The following DESI2 variants were observed in gnomAD, a reference collection of about 807,000 sequenced individuals.
DESI2 encodes the protein desumoylating isopeptidase 2.
DESI2 carries 10 observed loss-of-function variants against 24.1 expected under a neutral mutation model. The ratio of observed to expected loss-of-function variants is 0.41; its 90% CI spans 0.26 to 0.70. The LOEUF (loss-of-function observed/expected upper bound fraction) is 0.70, where lower values mean the gene tolerates loss of function less well. DESI2 is among the 30% of genes least tolerant of loss of function. The probability of loss-of-function intolerance (pLI) is 0.29; values close to 1 mark genes in which losing one functional copy is unlikely to be tolerated. For synonymous variants in DESI2, 71 were observed against 87.7 expected (o/e 0.81, Z 1.06); for missense variants, 122 against 234.9 (o/e 0.52, Z 3.14).
chr1:244,659,879 C>T (rs990016727), intron 1 of DESI2, among the ~76,000 whole-genome samples: 6 of 152,164 alleles, frequency 3.9e-5, no homozygotes, highest in Admixed American at 1.3e-4. Context: ...AGCAGTCACT[C>T]GACTTGGCAT....
chr1:244,680,152 A>C (rs1042812837), intron 1 of DESI2, among the ~76,000 whole-genome samples: 6 of 151,844 alleles, frequency 4.0e-5, no homozygotes, highest in African/African-American at 1.5e-4. Context: ...TTTTTTAAAA[A>C]CCAAGCCATC....
At chr1:244,676,446 T>G (rs1174251984) in intron 1 of DESI2, among the ~76,000 whole-genome samples, 2 of 152,208 alleles carry the variant, frequency 1.3e-5, no homozygotes, top group Admixed American at 1.3e-4. Context: ...TTTTAGTAAT[T>G]TTTTAGTGGA....
chr1:244,698,770 T>C (rs182862152), intron 4 of DESI2, among the ~76,000 whole-genome samples: 40 of 152,258 alleles, frequency 2.6e-4, no homozygotes, highest in Admixed American at 2.1e-3. Context: ...CTATAAAAAA[T>C]GGATGTTGAT....
In DESI2 at chr1:244,706,147, TAGGC is replaced by T. The variant is rs770613896; in HGVS notation, c.*362_*365del. ...AGAAAATCTTCATGTCTTCAAAAATTAGGCAGGTAATCTTTGTATACTTCTGACA... is the reference window on the plus strand; with the variant it reads ...AGAAAATCTTCATGTCTTCAAAAATTAGGTAATCTTTGTATACTTCTGACA... On this transcript the variant is annotated 3_prime_UTR_variant, in exon 5 of 5. Transcript: ENST00000302550. 6 of 209,448 alleles carry T rather than the reference TAGGC, an allele frequency of 2.9e-5. No individual in the cohort carries two copies. The highest frequency in any genetic ancestry group is 1.6e-4 in the South Asian group (2 of 12,534). 13.0% of individuals were successfully genotyped at this position (209,448 alleles called of 1,614,324 possible).
At chr1:244,653,612 T>G in intron 1 of DESI2, 2 of 530,998 alleles carry the variant, frequency 3.8e-6, no homozygotes, top group South Asian at 4.9e-5. Flanking sequence ...CCGCTCAGCT[T>G]GGACCCGACC....
chr1:244,655,006 A>G (rs545955079), intron 1 of DESI2, among the ~76,000 whole-genome samples: 91 of 152,328 alleles, frequency 6.0e-4, no homozygotes, highest in Admixed American at 1.1e-3. Context: ...TACCTTTTAT[A>G]TGAAAACGAA....
At position 244,676,424 on chromosome 1, in the gene DESI2, C is replaced by T. The variant is rs555313646; in HGVS notation, c.43-10173C>T. On this transcript the variant is annotated intron_variant, in intron 1 of 4. Coordinates refer to ENST00000302550, the MANE Select transcript of DESI2 (RefSeq NM_016076.5). ...ATCTTGTACCCTGCAATGTTTTTAACTTATCTATTAGTTTTAGTAATTTTT... is the reference window on the plus strand; with the variant it reads ...ATCTTGTACCCTGCAATGTTTTTAATTTATCTATTAGTTTTAGTAATTTTT... 2.3e-3 allele frequency among the ~76,000 whole-genome samples: 349 copies of T among 152,210 alleles called. 4 individuals are homozygous for T. Among genetic ancestry groups the T allele is most frequent in the South Asian group, 0.013 (61 of 4,822 alleles).
chr1:244,704,825 A>AT (rs1677630239), intron 4 of DESI2, among the ~76,000 whole-genome samples: 1 of 152,126 alleles, frequency 6.6e-6, no homozygotes, highest in East Asian at 1.9e-4. Context: ...TGCCCGGCTA[A>AT]TTTTTTGTAT....
rs1377739004 is a variant in DESI2, at chr1:244,689,498, A to G, written c.209+156A>G. ...ATTTTATATAACTCAAGTTTGCCTC[A>G]GGAAACTCATTTCTTTTCCTTTTTT... On this transcript the variant is annotated intron_variant, in intron 3 of 4. Transcript: ENST00000302550. This position sits in a 1 kb window ranked among gnomAD's most constrained non-coding sequence, Gnocchi z 4.0. 6.7e-6 allele frequency among the ~76,000 whole-genome samples: 1 copy of G among 149,650 alleles called. No homozygotes were observed. Among genetic ancestry groups the G allele is most frequent in the African/African-American group, 2.5e-5 (1 of 40,350 alleles).
intron 4 of DESI2, among the ~76,000 whole-genome samples, chr1:244,699,363 C>T (rs1156421868): frequency 6.6e-6 from 1 of 151,960 alleles, no homozygotes; most frequent in Non-Finnish European, 1.5e-5. Flanking sequence ...GCAGGCAGAT[C>T]ACGAGGTCAA....
chr1:244,681,324 C>T (rs1205341465), intron 1 of DESI2, among the ~76,000 whole-genome samples: 1 of 152,128 alleles, frequency 6.6e-6, no homozygotes, highest in African/African-American at 2.4e-5. Flanking sequence ...GGGCTTCTTC[C>T]ATTCCATTTC....
At chr1:244,658,788 T>A (rs1675736908) in intron 1 of DESI2, among the ~76,000 whole-genome samples, 1 of 152,170 alleles carries the variant, frequency 6.6e-6, no homozygotes, top group African/African-American at 2.4e-5. Flanking sequence ...ATTGTTGGAC[T>A]AGGGTGTCCA....
intron 1 of DESI2, among the ~76,000 whole-genome samples, chr1:244,671,858 G>A (rs894196810): frequency 6.6e-6 from 1 of 152,216 alleles, no homozygotes; most frequent in Admixed American, 6.5e-5. Flanking sequence ...TCCTACAAAA[G>A]CATGAATTTC....
chr1:244,703,640 C>T (rs1244044605), intron 4 of DESI2, among the ~76,000 whole-genome samples: 1 of 149,732 alleles, frequency 6.7e-6, no homozygotes, highest in Non-Finnish European at 1.5e-5. Context: ...CATGAGCCAC[C>T]ATGCCTGGCC....
chr1:244,675,704 A>G lies in DESI2; in HGVS notation c.43-10893A>G, dbSNP rs141644252. ...TAGCTCTGTGCTAAATGTTGAAATC[A>G]GGAAGTCTGAGTCCTATAACTTTTT... On this transcript the variant is annotated intron_variant, in intron 1 of 4. Coordinates refer to ENST00000302550, the MANE Select transcript of DESI2 (RefSeq NM_016076.5). Among the ~76,000 whole-genome samples the G allele has an allele frequency of 7.2e-3, 1,104 of 152,330 alleles. 10 individuals carry two copies. Among genetic ancestry groups the G allele is most frequent in the Non-Finnish European group, 0.012 (847 of 68,018 alleles).
intron 1 of DESI2, among the ~76,000 whole-genome samples, chr1:244,670,321 T>C (rs539977098): frequency 1.3e-5 from 2 of 152,324 alleles, no homozygotes; most frequent in East Asian, 3.9e-4. Flanking sequence ...TTGTTTGCTA[T>C]TCATTTTGGT....
chr1:244,663,745 A>G (rs560506234), intron 1 of DESI2, among the ~76,000 whole-genome samples: 120 of 151,904 alleles, frequency 7.9e-4, no homozygotes, highest in Middle Eastern at 3.4e-3. Context: ...TTGGCCGGGC[A>G]CGGTGGCTCA....
intron 4 of DESI2, among the ~76,000 whole-genome samples, chr1:244,699,700 C>T (rs1367646708): frequency 1.3e-5 from 2 of 150,436 alleles, no homozygotes; most frequent in African/African-American, 2.4e-5. Flanking sequence ...TTTTTAAATG[C>T]GAAGCTATGA....
intron 1 of DESI2, among the ~76,000 whole-genome samples, chr1:244,654,240 G>A (rs574570202): frequency 3.1e-4 from 47 of 152,308 alleles, no homozygotes; most frequent in South Asian, 1.0e-3. Context: ...TTGTTCTGTA[G>A]AATGGGTTTT....
Sources: gnomAD v4.1 joint callset for allele counts (sites outside exome capture counted in the v4.1 genomes callset) on GRCh38, gnomAD v4.1.1 for gene constraint, Gnocchi (gnomAD v3.1) non-coding constraint, MANE v1.5 for transcripts, NCBI Gene and HGNC (gene_info 2026-07-23, HGNC 2026-07-21) for gene names.